Variants in RETREG1 observed in about 807,000 individuals in gnomAD.
The protein encoded by RETREG1 is family with sequence similarity 134 member B.
In RETREG1, 44 loss-of-function variants were observed where a neutral mutation model predicts 54.8. That is an observed-to-expected ratio of 0.80 (90% CI 0.63 to 1.03). The LOEUF (loss-of-function observed/expected upper bound fraction) is 1.03. Ranked by LOEUF, RETREG1 falls within the 50% of genes least tolerant of loss-of-function variation. The probability of loss-of-function intolerance (pLI) is 0.00; values close to 1 mark genes in which losing one functional copy is unlikely to be tolerated. For missense variants in RETREG1, 554 were observed against 605.1 expected, an observed-to-expected ratio of 0.92 and a Z score of 0.89; for synonymous variants, 217 against 238.5, an observed-to-expected ratio of 0.91 and a Z score of 0.83.
At chr5:16,504,304 T>C (rs934536730) in intron 3 of RETREG1, among the ~76,000 whole-genome samples, 5 of 152,244 alleles carry the variant, frequency 3.3e-5, no homozygotes, top group African/African-American at 1.2e-4. Flanking sequence ...CAGTCTATCG[T>C]TGATGGGCAT....
rs542703513 is a variant in RETREG1, at chr5:16,606,126, AG to A, written c.320+10525del. 2.6e-5 allele frequency among the ~76,000 whole-genome samples: 4 copies of A among 152,316 alleles called. No homozygotes were observed. In the South Asian group the frequency reaches 8.3e-4, roughly 32 times the overall value. ...AGCGAGGAGGTGGTGCCATGGAGAC[AG>A]GAAGAGAGTGTCCTCCCCTTCGGGT... On this transcript the variant is annotated intron_variant, in intron 1 of 8. Transcript: ENST00000306320.
chr5:16,490,661 G>GC (rs1739207475), intron 3 of RETREG1, among the ~76,000 whole-genome samples: 9 of 152,174 alleles, frequency 5.9e-5, no homozygotes, highest in Admixed American at 5.9e-4. Flanking sequence ...GAAAGTTGAG[G>GC]CCCAGATACA....
At chr5:16,595,973 C>CT (rs1356273402) in intron 1 of RETREG1, among the ~76,000 whole-genome samples, 12 of 151,924 alleles carry the variant, frequency 7.9e-5, no homozygotes, top group Non-Finnish European at 1.5e-4. Context: ...ATTATTTTGC[C>CT]TTCCTAAGTT....
At chr5:16,542,064 A>G (rs1741267553) in intron 3 of RETREG1, among the ~76,000 whole-genome samples, 1 of 152,240 alleles carries the variant, frequency 6.6e-6, no homozygotes, top group Non-Finnish European at 1.5e-5. Context: ...TAAACTGTCT[A>G]CATTTAAAGC....
At chr5:16,609,368 G>A (rs768409554) in intron 1 of RETREG1, among the ~76,000 whole-genome samples, 2 of 118,998 alleles carry the variant, frequency 1.7e-5, no homozygotes, top group Non-Finnish European at 3.9e-5. Flanking sequence ...GTCTGTAACT[G>A]TATATAACTG....
At chr5:16,578,632 C>A (rs989721439) in intron 1 of RETREG1, among the ~76,000 whole-genome samples, 1 of 152,198 alleles carries the variant, frequency 6.6e-6, no homozygotes, top group South Asian at 2.1e-4. Context: ...ATCCACAAAT[C>A]CCCTCAGCTG....
At chr5:16,577,912 C>T (rs1447604367) in intron 1 of RETREG1, among the ~76,000 whole-genome samples, 1 of 152,176 alleles carries the variant, frequency 6.6e-6, no homozygotes, top group Non-Finnish European at 1.5e-5. Context: ...TCCTCAGCCA[C>T]GTGGAACTGT....
chr5:16,494,433 C>T (rs1040099038), intron 3 of RETREG1, among the ~76,000 whole-genome samples: 3 of 152,026 alleles, frequency 2.0e-5, no homozygotes, highest in South Asian at 4.2e-4. Context: ...GTGGTTGAAT[C>T]GGGGGCAGAC....
chr5:16,591,625 T>G (rs1292286001), intron 1 of RETREG1, among the ~76,000 whole-genome samples: 1 of 152,228 alleles, frequency 6.6e-6, no homozygotes, highest in Non-Finnish European at 1.5e-5. Context: ...CGCAGATCTC[T>G]GCTCCCTTTG....
chr5:16,595,997 T>C (rs1742887311), intron 1 of RETREG1, among the ~76,000 whole-genome samples: 1 of 152,218 alleles, frequency 6.6e-6, no homozygotes, highest in Non-Finnish European at 1.5e-5. Context: ...TCATGTTCAC[T>C]GTCTCAACAC....
intron 1 of RETREG1, among the ~76,000 whole-genome samples, chr5:16,602,500 G>A (rs1241274915): frequency 2.0e-5 from 3 of 152,110 alleles, no homozygotes; most frequent in African/African-American, 2.4e-5. Flanking sequence ...AGAACTCTGA[G>A]AGTAACAGCA....
chr5:16,580,770 G>A (rs917894176), intron 1 of RETREG1, among the ~76,000 whole-genome samples: 3 of 152,162 alleles, frequency 2.0e-5, no homozygotes, highest in Non-Finnish European at 2.9e-5. Context: ...GTGCATGTGC[G>A]CCATCCTCAC....
chr5:16,556,027 T>A (rs75590547), intron 3 of RETREG1, among the ~76,000 whole-genome samples: 4,733 of 152,294 alleles, frequency 0.031, 224 homozygotes, highest in African/African-American at 0.1. Context: ...CAGGATCTGC[T>A]AACTAATCAA....
chr5:16,560,543 A>T (rs541316482), intron 3 of RETREG1, among the ~76,000 whole-genome samples: 9 of 152,218 alleles, frequency 5.9e-5, no homozygotes, highest in Non-Finnish European at 1.3e-4. Flanking sequence ...AGGAGGAAAA[A>T]TTAAGCCTTT....
Position 16,600,409 on chromosome 5 carries a change from T to C in RETREG1, c.320+16243A>G, listed in dbSNP as rs58627181. On this transcript the variant is annotated intron_variant, in intron 1 of 8. Transcript: ENST00000306320. ...CCGACAGAAGTAGGAGGTTGTTCTCTGAAAAAATTAAAGTGGAAGGGCTTC... is the reference window on the plus strand; with the variant it reads ...CCGACAGAAGTAGGAGGTTGTTCTCCGAAAAAATTAAAGTGGAAGGGCTTC... Among the ~76,000 whole-genome samples the C allele has an allele frequency of 9.9e-3, 1,505 of 152,246 alleles. 30 individuals are homozygous for C. The highest frequency in any genetic ancestry group is 0.035 in the African/African-American group (1,439 of 41,536).
At chr5:16,533,131 G>C (rs139971659) in intron 3 of RETREG1, among the ~76,000 whole-genome samples, 7 of 151,794 alleles carry the variant, frequency 4.6e-5, no homozygotes, top group African/African-American at 1.5e-4. Context: ...TGCAAGCTCC[G>C]CCTCCCGGGT....
chr5:16,545,575 TAGCAGCAGC>T (rs540633034), intron 3 of RETREG1, among the ~76,000 whole-genome samples: 1 of 152,020 alleles, frequency 6.6e-6, no homozygotes, highest in South Asian at 2.1e-4. Context: ...ATTCACAGTT[TAGCAGCAGC>T]AGCAGCAGCA....
intron 3 of RETREG1, among the ~76,000 whole-genome samples, chr5:16,552,841 C>T (rs1208508360): frequency 1.3e-5 from 2 of 152,204 alleles, no homozygotes; most frequent in Non-Finnish European, 2.9e-5. Flanking sequence ...ACTAATCACA[C>T]TTTGGAGCCA....
intron 2 of RETREG1, among the ~76,000 whole-genome samples, chr5:16,568,521 C>T (rs1284352795): frequency 6.6e-6 from 1 of 152,144 alleles, no homozygotes; most frequent in East Asian, 1.9e-4. Flanking sequence ...GATCCACCTG[C>T]CTCGGCCTTC....
Sources: gnomAD v4.1 joint callset for allele counts (sites outside exome capture counted in the v4.1 genomes callset) on GRCh38, gnomAD v4.1.1 for gene constraint, MANE v1.5 for transcripts, NCBI Gene and HGNC (gene_info 2026-07-23, HGNC 2026-07-21) for gene names.